Variants in MAP3K3 observed in about 807,000 individuals in gnomAD.
MAP3K3 encodes mitogen-activated protein kinase kinase kinase 3, also known as MAP/ERK kinase kinase 3.
A neutral mutation model predicts 80.9 loss-of-function variants in MAP3K3; 12 were observed. That is an observed-to-expected ratio of 0.15 (90% CI 0.10 to 0.24). The LOEUF is 0.24. Ranked by LOEUF, MAP3K3 falls within the 10% of genes least tolerant of loss-of-function variation. The pLI is 1.00. For missense variants in MAP3K3, 596 were observed against 834.7 expected, an observed-to-expected ratio of 0.71 and a Z score of 3.52; for synonymous variants, 272 against 307.1, an observed-to-expected ratio of 0.89 and a Z score of 1.19.
chr17:63,681,549 C>T (rs574500843), intron 6 of MAP3K3, among the ~76,000 whole-genome samples: 10 of 152,158 alleles, frequency 6.6e-5, no homozygotes, highest in South Asian at 2.1e-4. Flanking sequence ...TTTTTTTGGT[C>T]GGATATGCCG....
At chr17:63,687,689 TA>T (rs983228840) in intron 8 of MAP3K3, among the ~76,000 whole-genome samples, 139 of 116,508 alleles carry the variant, frequency 1.2e-3, no homozygotes, top group Non-Finnish European at 1.4e-3. Context: ...GACTCCATCT[TA>T]AAAAAAAAAA....
chr17:63,642,390 T>C (rs558189242), intron 2 of MAP3K3, among the ~76,000 whole-genome samples: 1 of 152,280 alleles, frequency 6.6e-6, no homozygotes, highest in African/African-American at 2.4e-5. Context: ...GCTGGGGCAG[T>C]GGCTCACACC....
In MAP3K3 at chr17:63,689,052, A is replaced by G; in HGVS notation, c.871+171A>G. The G allele has an allele frequency of 1.6e-6, 1 of 610,960 alleles. No individual in the cohort carries two copies. Among genetic ancestry groups the G allele is most frequent in the East Asian group, 2.7e-5 (1 of 36,424 alleles). The allele number at this position is 610,960 out of a possible 1,614,324, so 37.8% of individuals were successfully genotyped here. The stretch of plus-strand genomic sequence containing the variant: ...AAAAACAAAAACAAAAACAGGGAAG[A>G]TAGTATTTGTAGACCAGATGCTGCC... On this transcript the variant is annotated intron_variant, in intron 10 of 15. Coordinates refer to ENST00000361733, the MANE Select transcript of MAP3K3 (RefSeq NM_002401.5). The surrounding 1 kb of genome is among the most constrained non-coding windows in gnomAD (Gnocchi z 4.3).
rs909850928 is a variant in MAP3K3, at chr17:63,690,904, C to T, written c.1213-198C>T. 6.5e-6 allele frequency: 4 copies of T among 618,736 alleles called. No individual in the cohort carries two copies. The Admixed American group carries it at 1.2e-4, about 18-fold the overall frequency. 38.3% of individuals were successfully genotyped at this position (618,736 alleles called of 1,614,324 possible). A position where few individuals can be genotyped will look rare whatever the true frequency, so the allele number is the denominator to read the frequency against. On this transcript the variant is annotated intron_variant, in intron 12 of 15. Transcript: ENST00000361733. ...TCTCCCACCTCCCTGCCTCCTTCCA[C>T]CCATGGGAGTGCCACCATCCCAAGG...
rs758707269 is a variant in MAP3K3, at chr17:63,690,992, G to T, written c.1213-110G>T. The T allele has an allele frequency of 4.4e-6, 6 of 1,348,732 alleles. No individual in the cohort carries two copies. The African/African-American group carries it at 7.2e-5, about 16-fold the overall frequency. 83.5% of individuals were successfully genotyped at this position (1,348,732 alleles called of 1,614,324 possible). On this transcript the variant is annotated intron_variant, in intron 12 of 15. Coordinates refer to ENST00000361733, the MANE Select transcript of MAP3K3 (RefSeq NM_002401.5). ...AGAGTCCCCCTTTTCTCCAACTGCA[G>T]TTCCCAAGGCAGATCCCTGTGAGGC...
intron 2 of MAP3K3, chr17:63,636,977 G>A: frequency 1.6e-6 from 1 of 616,412 alleles, no homozygotes. Flanking sequence ...GGTGCCCATG[G>A]GCTACGGTAT....
intron 3 of MAP3K3, among the ~76,000 whole-genome samples, chr17:63,651,368 G>A (rs568935735): frequency 6.6e-6 from 1 of 152,254 alleles, no homozygotes; most frequent in African/African-American, 2.4e-5. Flanking sequence ...AGCTACTTGG[G>A]AAGCTGAGGC....
Position 63,664,635 on chromosome 17 carries a change from T to C in MAP3K3, c.382-2305T>C, listed in dbSNP as rs1172703288. On this transcript the variant is annotated intron_variant, in intron 5 of 15. Transcript: ENST00000361733. ...CATGGTTTCCTGGTAATTTTTCATA[T>C]TGTTTGTGTTAGCCACAGCTAACTT... Among the ~76,000 whole-genome samples the C allele has an allele frequency of 3.9e-5, 6 of 152,184 alleles. No individual in the cohort carries two copies. The East Asian group carries it at 7.7e-4, about 20-fold the overall frequency.
At chr17:63,682,988 T>A (rs916021988) in intron 7 of MAP3K3, among the ~76,000 whole-genome samples, 1 of 152,234 alleles carries the variant, frequency 6.6e-6, no homozygotes, top group Non-Finnish European at 1.5e-5. Context: ...TTGATGCAAA[T>A]GGCAATTTGG....
intron 1 of MAP3K3, among the ~76,000 whole-genome samples, chr17:63,624,739 C>A (rs2034066654): frequency 6.6e-6 from 1 of 152,208 alleles, no homozygotes; most frequent in Non-Finnish European, 1.5e-5. Context: ...AGTTTAAGAA[C>A]CACTGCCCTA....
intron 3 of MAP3K3, among the ~76,000 whole-genome samples, chr17:63,652,233 T>C (rs1214655341): frequency 1.3e-4 from 20 of 152,146 alleles, no homozygotes; most frequent in Admixed American, 1.3e-3. Context: ...TCCATGTGTC[T>C]GTGTGTTCTC....
intron 1 of MAP3K3, among the ~76,000 whole-genome samples, chr17:63,628,961 T>TA (rs2034162448): frequency 6.6e-6 from 1 of 152,180 alleles, no homozygotes; most frequent in South Asian, 2.1e-4. Context: ...TTCTGTTGCT[T>TA]TTAACTCCCA....
chr17:63,650,692 GAGA>G (rs1463399772), intron 3 of MAP3K3, among the ~76,000 whole-genome samples: 67 of 140,048 alleles, frequency 4.8e-4, no homozygotes, highest in African/African-American at 2.0e-3. Flanking sequence ...GAGAGAGAGA[GAGA>G]GTTTTTTTTT....
intron 3 of MAP3K3, among the ~76,000 whole-genome samples, chr17:63,651,164 T>A (rs2034647650): frequency 6.6e-6 from 1 of 152,170 alleles, no homozygotes; most frequent in African/African-American, 2.4e-5. Context: ...AGTAGTCTCA[T>A]ATAGTTCAAC....
Position 63,657,927 on chromosome 17 carries a change from G to T in MAP3K3, c.381+20G>T. 1 of 1,365,686 alleles carries T rather than the reference G, an allele frequency of 7.3e-7. No individual in the cohort carries two copies. Among genetic ancestry groups the T allele is most frequent in the East Asian group, 2.4e-5 (1 of 42,514 alleles). 84.6% of individuals were successfully genotyped at this position (1,365,686 alleles called of 1,614,324 possible). On this transcript the variant is annotated intron_variant, in intron 5 of 15. Coordinates refer to ENST00000361733, the MANE Select transcript of MAP3K3 (RefSeq NM_002401.5). ...AACCATGTAAGTAGCCCTTGTCATGGTCTGGCAGCTGAAGACAAAGCTTGC... is the reference window on the plus strand; with the variant it reads ...AACCATGTAAGTAGCCCTTGTCATGTTCTGGCAGCTGAAGACAAAGCTTGC...
At chr17:63,629,340 G>A (rs538148576) in intron 1 of MAP3K3, among the ~76,000 whole-genome samples, 2 of 152,104 alleles carry the variant, frequency 1.3e-5, no homozygotes, top group Non-Finnish European at 2.9e-5. Flanking sequence ...GGCCAGGCTG[G>A]TTTCGAACTC....
intron 3 of MAP3K3, among the ~76,000 whole-genome samples, chr17:63,650,677 AGAGAGAGAG>A (rs2034633829): frequency 6.8e-6 from 1 of 147,032 alleles, no homozygotes; most frequent in African/African-American, 2.6e-5. Flanking sequence ...AGAGAGAGAG[AGAGAGAGAG>A]AGAGAGAGAG....
chr17:63,666,719 TC>T (rs752427098), intron 5 of MAP3K3, among the ~76,000 whole-genome samples: 1 of 152,374 alleles, frequency 6.6e-6, no homozygotes, highest in East Asian at 1.9e-4. Flanking sequence ...GCACTAGGTC[TC>T]AGCGCTCATA....
At chr17:63,639,786 G>A (rs943672630) in intron 2 of MAP3K3, among the ~76,000 whole-genome samples, 3 of 152,166 alleles carry the variant, frequency 2.0e-5, no homozygotes, top group Admixed American at 1.3e-4. Flanking sequence ...CTGGAAAGTT[G>A]TAGGAGATCA....
Sources: gnomAD v4.1 joint callset for allele counts (sites outside exome capture counted in the v4.1 genomes callset) on GRCh38, gnomAD v4.1.1 for gene constraint, Gnocchi (gnomAD v3.1) non-coding constraint, MANE v1.5 for transcripts, NCBI Gene and HGNC (gene_info 2026-07-23, HGNC 2026-07-21) for gene names.